LRRK1: variants seen among roughly 807,000 people sequenced by gnomAD.
The protein encoded by LRRK1 is leucine-rich repeat serine/threonine-protein kinase 1.
LRRK1 carries 113 observed loss-of-function variants against 209.1 expected under a neutral mutation model. The observed-to-expected ratio is 0.54, with a 90% CI of 0.46 to 0.63. The LOEUF (loss-of-function observed/expected upper bound fraction) is 0.63, where lower values mean the gene tolerates loss of function less well. Ranked by LOEUF, LRRK1 falls within the 30% of genes least tolerant of loss-of-function variation. The pLI is 0.00. For missense variants in LRRK1, 2,284 were observed against 2,632.2 expected (o/e 0.87, Z 2.89); for synonymous variants, 1,144 against 1,099.7 (o/e 1.04, Z -0.80).
chr15:101,046,526 G>A (rs2035084790), intron 21 of LRRK1, among the ~76,000 whole-genome samples: 1 of 152,222 alleles, frequency 6.6e-6, no homozygotes, highest in African/African-American at 2.4e-5. Flanking sequence ...TCCCCGAGGT[G>A]ATGCCGCCGG....
intron 23 of LRRK1, among the ~76,000 whole-genome samples, chr15:101,050,951 G>C (rs2035394312): frequency 6.6e-6 from 1 of 152,204 alleles, no homozygotes. Context: ...GCAGGTGCTG[G>C]GCAGTTTGAC....
In LRRK1 at chr15:101,070,778, A is replaced by G. The variant is rs921011104; in HGVS notation, c.*1930A>G. 2 of 149,212 alleles carry G rather than the reference A, an allele frequency of 1.3e-5. No individual in the cohort carries two copies. 9.2% of individuals were successfully genotyped at this position (149,212 alleles called of 1,614,324 possible). A position where few individuals can be genotyped will look rare whatever the true frequency, so the allele number is the denominator to read the frequency against. On this transcript the variant is annotated 3_prime_UTR_variant, in exon 34 of 34. Transcript: ENST00000388948. ...AGCTTTCTAGCCTGGGTGACAGAGC[A>G]AGACCCAACTCTTAAAAAAAAAAAA...
chr15:100,994,855 C>T (rs2032327269), intron 6 of LRRK1, among the ~76,000 whole-genome samples: 1 of 152,156 alleles, frequency 6.6e-6, no homozygotes, highest in Non-Finnish European at 1.5e-5. Flanking sequence ...AGAGAGGGGT[C>T]CGGGCAGAGG....
chr15:101,049,970 T>G, intron 23 of LRRK1, among the ~76,000 whole-genome samples, 187 bp downstream of exon 23: 2 of 145,532 alleles, frequency 1.4e-5, no homozygotes, highest in South Asian at 2.2e-4. Context: ...CTGGGGGGAG[T>G]CCCACGGGGA....
intron 6 of LRRK1, among the ~76,000 whole-genome samples, chr15:100,996,223 AGCACTTCC>A (rs2032402353): frequency 3.3e-5 from 5 of 152,214 alleles, no homozygotes; most frequent in Admixed American, 3.3e-4. Flanking sequence ...TGCATTGCAG[AGCACTTCC>A]GCACACATCA....
intron 12 of LRRK1, among the ~76,000 whole-genome samples, chr15:101,017,450 C>A (rs532526400): frequency 1.3e-5 from 2 of 152,210 alleles, no homozygotes; most frequent in East Asian, 3.9e-4. Context: ...GTCCCCAGCG[C>A]CCCCCAGGAA....
Position 101,021,950 on chromosome 15 carries a change from A to G in LRRK1, c.1845A>G (p.Gln615=), listed in dbSNP as rs750925388. 6.2e-7 allele frequency: 1 copy of G among 1,611,856 alleles called. No individual in the cohort carries two copies. Among genetic ancestry groups the G allele is most frequent in the Non-Finnish European group, 8.5e-7 (1 of 1,178,134 alleles). ...LTISNVPAEI[Q]KEGPKAMLSY... is the part of the protein sequence containing the mutation. ...TCAGCAATGTGCCTGCAGAAATCCA[A>G]AAAGAAGGTAGGGCTTCCGCAGCCC... Residue 615 remains glutamine, a synonymous_variant, in exon 14 of 34, where the codon CAA becomes CAG. Transcript: ENST00000388948.
intron 20 of LRRK1, among the ~76,000 whole-genome samples, chr15:101,030,175 T>C (rs2034220069): frequency 6.6e-6 from 1 of 152,136 alleles, no homozygotes; most frequent in African/African-American, 2.4e-5. Flanking sequence ...CTCATGACTT[T>C]GTGCTGGTCG....
rs747816549 is a variant in LRRK1, at chr15:101,051,717, C to A, written c.3446C>A (p.Thr1149Lys). ...SLIDQWFPALTATESDGTPLM... is the reference protein window; with the variant it reads ...SLIDQWFPALKATESDGTPLM... ...CTGCTCTGTCCTTATTTAGCCCTGA[C>A]AGCCACAGAGAGCGACGGGACGCCA... The change falls in exon 24 of 34, where the codon ACA (threonine) becomes AAA (lysine). Residue 1149 changes from threonine (T) to lysine (K), a missense_variant. Transcript: ENST00000388948. 1.2e-6 allele frequency: 2 copies of A among 1,613,526 alleles called. No homozygotes were observed. The highest frequency in any genetic ancestry group is 1.7e-6 in the Non-Finnish European group (2 of 1,179,920).
chr15:101,010,870 A>G, intron 9 of LRRK1, 33 bp downstream of exon 9: 1 of 1,593,348 alleles, frequency 6.3e-7, no homozygotes, highest in Non-Finnish European at 8.5e-7. Context: ...TGAAAGCCAC[A>G]GTCAACTCTG....
chr15:100,941,260 CTGTGTCTCTGTG>C (rs2042398969), intron 2 of LRRK1, among the ~76,000 whole-genome samples: 2 of 72,060 alleles, frequency 2.8e-5, no homozygotes, highest in Non-Finnish European at 5.8e-5. Context: ...GTGTGTGTGT[CTGTGTCTCTGTG>C]TGTGTCCGTG....
intron 2 of LRRK1, among the ~76,000 whole-genome samples, chr15:100,931,391 T>C (rs1037744601): frequency 3.3e-5 from 5 of 152,190 alleles, no homozygotes. Context: ...AACTTTTCAG[T>C]GACTCAGAGA....
At chr15:100,924,796 A>G in intron 2 of LRRK1, 67 bp downstream of exon 2, 2 of 1,188,456 alleles carry the variant, frequency 1.7e-6, no homozygotes, top group East Asian at 4.7e-5. Flanking sequence ...CAGGGTGTCT[A>G]GGCTATGTAA....
At chr15:101,052,839 G>T in intron 24 of LRRK1, 83 bp from the exon 25 acceptor site, 1 of 1,476,350 alleles carries the variant, frequency 6.8e-7, no homozygotes. Flanking sequence ...CATGACTCTC[G>T]GCCGTTGGGG....
In LRRK1 at chr15:101,057,037, C is replaced by G; in HGVS notation, c.4514C>G (p.Thr1505Ser). Residue 1505 changes from threonine (T) to serine (S), a missense_variant, in exon 28 of 34, where the codon ACT becomes AGT. Thr to Ser is a moderately conservative substitution (Grantham distance 58, BLOSUM62 1). Transcript: ENST00000388948. ...LQALMMECWDTKPEKRPLALS... is the reference protein window; with the variant it reads ...LQALMMECWDSKPEKRPLALS... ...GCGCTCATGATGGAGTGCTGGGACA[C>G]TAAGCCAGAGAAGGTACTTGGGGAC... 6.2e-7 allele frequency: 1 copy of G among 1,608,860 alleles called. No individual in the cohort carries two copies. Among genetic ancestry groups the G allele is most frequent in the Non-Finnish European group, 8.5e-7 (1 of 1,177,430 alleles).
intron 2 of LRRK1, among the ~76,000 whole-genome samples, chr15:100,931,021 T>C (rs2042202824): frequency 6.6e-6 from 1 of 152,260 alleles, no homozygotes; most frequent in Non-Finnish European, 1.5e-5. Context: ...GGGTTCAGTT[T>C]GTCCAGATTC....
At chr15:101,041,142 GTTTCTC>G (rs1213664801) in intron 20 of LRRK1, among the ~76,000 whole-genome samples, 1 of 152,126 alleles carries the variant, frequency 6.6e-6, no homozygotes, top group Non-Finnish European at 1.5e-5. Context: ...ATTATACAAT[GTTTCTC>G]TTTATCACTG....
At position 100,941,464 on chromosome 15, in the gene LRRK1, C is replaced by CTGTGTGTGTCTGTG. The variant is rs2042432624; in HGVS notation, c.97+16744_97+16745insCTGTGTGTGTGTGT. ...TGTGTGTCTGTGTGTGTCTATGTCT[C>CTGTGTGTGTCTGTG]TGTGTGTGTGTGTGTGTGTGTGTGT... On this transcript the variant is annotated intron_variant, in intron 2 of 33. Transcript: ENST00000388948. Among the ~76,000 whole-genome samples the CTGTGTGTGTCTGTG allele has an allele frequency of 3.9e-4, 35 of 88,822 alleles. 2 individuals are homozygous for CTGTGTGTGTCTGTG. Among genetic ancestry groups the CTGTGTGTGTCTGTG allele is most frequent in the Middle Eastern group, 6.1e-3 (1 of 164 alleles). 58.3% of individuals were successfully genotyped at this position (88,822 alleles called of 152,430 possible). A position where few individuals can be genotyped will look rare whatever the true frequency, so the allele number is the denominator to read the frequency against.
chr15:101,008,548 G>A (rs1037657104), intron 6 of LRRK1, among the ~76,000 whole-genome samples: 1 of 152,154 alleles, frequency 6.6e-6, no homozygotes, highest in African/African-American at 2.4e-5. Context: ...CTCTTGAGGG[G>A]CGGCACTGAG....
Sources: allele counts gnomAD v4.1 joint callset (sites outside exome capture counted in the v4.1 genomes callset), GRCh38; gene constraint gnomAD v4.1.1; transcripts MANE v1.5; gene names NCBI Gene and HGNC (gene_info 2026-07-23, HGNC 2026-07-21).